Variants in GAB2 observed in about 807,000 individuals in gnomAD.
The protein encoded by GAB2 is GRB2 associated binding protein 2, also known as GRB2-associated-binding protein 2.
A neutral mutation model predicts 65.5 loss-of-function variants in GAB2; 26 were observed. The ratio of observed to expected loss-of-function variants is 0.40; its 90% confidence interval spans 0.29 to 0.55. GAB2 has a LOEUF of 0.55. Among genes scored for constraint, GAB2 ranks in the 20% least tolerant of loss-of-function variants. The probability of loss-of-function intolerance (pLI) is 0.53; values close to 1 mark genes in which losing one functional copy is unlikely to be tolerated. For synonymous variants in GAB2, 321 were observed against 329.6 expected (o/e 0.97, Z 0.28); for missense variants, 884 against 875.8 (o/e 1.01, Z -0.12).
intron 2 of GAB2, among the ~76,000 whole-genome samples, chr11:78,271,616 AACAG>A (rs747192321): frequency 5.6e-4 from 86 of 152,316 alleles, no homozygotes; most frequent in Middle Eastern, 6.8e-3. Flanking sequence ...AGGATGAAAA[AACAG>A]ACAGTCTCCA....
intron 1 of GAB2, 91 bp from the exon 2 acceptor site, chr11:78,280,992 T>A: frequency 1.8e-6 from 2 of 1,091,656 alleles, no homozygotes; most frequent in South Asian, 2.9e-5. Context: ...CTTGCCCTGT[T>A]GCCCAGGCTG....
intron 1 of GAB2, among the ~76,000 whole-genome samples, chr11:78,366,527 A>T (rs1856498778): frequency 7.2e-6 from 1 of 139,150 alleles, no homozygotes; most frequent in Admixed American, 7.8e-5. Flanking sequence ...TGGAGGTTGC[A>T]GTAAACTGAG....
intron 1 of GAB2, among the ~76,000 whole-genome samples, chr11:78,374,653 G>A (rs1301374587): frequency 1.3e-5 from 2 of 152,154 alleles, no homozygotes; most frequent in Admixed American, 6.5e-5. Flanking sequence ...CTATCTTTAA[G>A]GGTTTGATAT....
At chr11:78,281,858 A>C (rs984607074) in intron 1 of GAB2, among the ~76,000 whole-genome samples, 4 of 152,204 alleles carry the variant, frequency 2.6e-5, no homozygotes, top group African/African-American at 9.6e-5. Flanking sequence ...GCAAAGCCAT[A>C]ATCAGTTTAT....
chr11:78,407,563 G>T (rs749718689), intron 1 of GAB2, among the ~76,000 whole-genome samples: 1 of 151,800 alleles, frequency 6.6e-6, no homozygotes, highest in Non-Finnish European at 1.5e-5. Context: ...AACCTGGGAC[G>T]CAGACATTGC....
chr11:78,323,631 T>G (rs1855767330), intron 1 of GAB2, among the ~76,000 whole-genome samples: 1 of 147,556 alleles, frequency 6.8e-6, no homozygotes, highest in African/African-American at 2.5e-5. Flanking sequence ...CACTGAGGAC[T>G]CCAAAAAGGT....
At chr11:78,317,466 G>A (rs1015395468) in intron 1 of GAB2, among the ~76,000 whole-genome samples, 32 of 148,812 alleles carry the variant, frequency 2.2e-4, no homozygotes, top group African/African-American at 2.5e-5. Flanking sequence ...AGGCTGAATC[G>A]GGATAATCGC....
chr11:78,306,192 A>ATC (rs1314284796), intron 1 of GAB2, among the ~76,000 whole-genome samples: 1 of 152,230 alleles, frequency 6.6e-6, no homozygotes, highest in Non-Finnish European at 1.5e-5. Flanking sequence ...ATATAAATCC[A>ATC]TCCCAACCTA....
chr11:78,346,817 C>G (rs1856198327), intron 1 of GAB2, among the ~76,000 whole-genome samples: 1 of 149,194 alleles, frequency 6.7e-6, no homozygotes, highest in South Asian at 2.1e-4. Context: ...CTCAAATAGA[C>G]CTTTCTTTTT....
chr11:78,316,279 A>C (rs1415607732), intron 1 of GAB2, among the ~76,000 whole-genome samples: 1 of 152,132 alleles, frequency 6.6e-6, no homozygotes, highest in Non-Finnish European at 1.5e-5. Flanking sequence ...GGGACTTTGC[A>C]TTATAACTGT....
chr11:78,325,913 T>G (rs1404305593), intron 1 of GAB2, among the ~76,000 whole-genome samples: 1 of 152,222 alleles, frequency 6.6e-6, no homozygotes, highest in Non-Finnish European at 1.5e-5. Context: ...TCATTTCTTT[T>G]TAAACATTGT....
chr11:78,380,311 G>A (rs1856681840), intron 1 of GAB2, among the ~76,000 whole-genome samples: 1 of 151,890 alleles, frequency 6.6e-6, no homozygotes, highest in African/African-American at 2.4e-5. Context: ...GGGTTCAAGT[G>A]ATTCTGCCTC....
At chr11:78,330,678 G>A (rs764261029) in intron 1 of GAB2, among the ~76,000 whole-genome samples, 90 of 152,102 alleles carry the variant, frequency 5.9e-4, no homozygotes, top group Non-Finnish European at 3.4e-4. Context: ...TATGCATAGC[G>A]TATTCATTTA....
At chr11:78,367,652 T>C (rs918867949) in intron 1 of GAB2, among the ~76,000 whole-genome samples, 6 of 152,140 alleles carry the variant, frequency 3.9e-5, no homozygotes, top group Non-Finnish European at 7.4e-5. Flanking sequence ...ACATGTATCA[T>C]GATTTTTGGC....
rs79011617 is a variant in GAB2, at chr11:78,373,572, C to G, written c.75+44074G>C. On this transcript the variant is annotated intron_variant, in intron 1 of 9. Coordinates refer to ENST00000361507, the MANE Select transcript of GAB2 (RefSeq NM_080491.3). ...CTTTTTAAATCAAATAAGGGACAAGCCACAAAACAAAAAAGGTCAAAGTTT... is the reference window on the plus strand; with the variant it reads ...CTTTTTAAATCAAATAAGGGACAAGGCACAAAACAAAAAAGGTCAAAGTTT... Among the ~76,000 whole-genome samples the G allele has an allele frequency of 2.8e-4, 43 of 151,986 alleles. 1 individual carries two copies. The East Asian group carries it at 8.3e-3, about 29-fold the overall frequency.
intron 1 of GAB2, among the ~76,000 whole-genome samples, chr11:78,416,478 T>TG (rs1857197700): frequency 6.6e-6 from 1 of 152,330 alleles, no homozygotes; most frequent in Admixed American, 6.5e-5. Flanking sequence ...GGACAGCCAC[T>TG]GGTGCAGCTG....
intron 1 of GAB2, among the ~76,000 whole-genome samples, chr11:78,380,906 C>T (rs891520930): frequency 6.6e-6 from 1 of 151,898 alleles, no homozygotes; most frequent in Non-Finnish European, 1.5e-5. Flanking sequence ...ATCACTGTAA[C>T]GTATGCACTG....
At chr11:78,394,628 A>G (rs1856872718) in intron 1 of GAB2, among the ~76,000 whole-genome samples, 1 of 152,264 alleles carries the variant, frequency 6.6e-6, no homozygotes, top group Admixed American at 6.5e-5. Context: ...CAATCTGGAC[A>G]GAGGAAGGAG....
At chr11:78,235,237 C>A (rs1289357698) in intron 3 of GAB2, among the ~76,000 whole-genome samples, 1 of 151,896 alleles carries the variant, frequency 6.6e-6, no homozygotes, top group Non-Finnish European at 1.5e-5. Context: ...ACTGCAAGCT[C>A]CGCCTCCCGG....
Sources: gnomAD v4.1 joint callset for allele counts (sites outside exome capture counted in the v4.1 genomes callset) on GRCh38, gnomAD v4.1.1 for gene constraint, MANE v1.5 for transcripts, NCBI Gene and HGNC (gene_info 2026-07-23, HGNC 2026-07-21) for gene names.